Variants in TTN observed in about 807,000 individuals in gnomAD.
The protein encoded by TTN is connectin.
Under a neutral mutation model 3,223.0 loss-of-function variants are expected in TTN, and 1,525 were observed. The observed-to-expected ratio is 0.47, with a 90% CI of 0.45 to 0.49. The LOEUF (loss-of-function observed/expected upper bound fraction) is 0.49. TTN is among the 20% of genes least tolerant of loss of function. The probability of loss-of-function intolerance (pLI) is 0.00; values close to 1 mark genes in which losing one functional copy is unlikely to be tolerated. For synonymous variants in TTN, 14,094 were observed against 15,161.0 expected, an observed-to-expected ratio of 0.93 and a Z score of 5.17; for missense variants, 40,786 against 43,424.0, an observed-to-expected ratio of 0.94 and a Z score of 5.40.
chr2:178,678,829 A>G lies in TTN; in HGVS notation c.33744T>C (p.Val11248=). 6.3e-7 allele frequency: 1 copy of G among 1,586,282 alleles called. No individual in the cohort carries two copies. Among genetic ancestry groups the G allele is most frequent in the Non-Finnish European group, 8.5e-7 (1 of 1,171,212 alleles). Residue 11248 remains valine, a splice_region_variant and synonymous_variant, in exon 143 of 363, where the codon GTT becomes GTC. Transcript: ENST00000589042. ...PKKEKPPPAK[V]PEVPKKPVPE... ...GCACAGGTTTCTTGGGCACTTCAGG[A>G]ACTTCAAAGATATCAAATAGAGTTA...
intron 13 of TTN, among the ~76,000 whole-genome samples, chr2:178,787,900 G>A (rs1425639811): frequency 6.6e-6 from 1 of 151,968 alleles, no homozygotes; most frequent in African/African-American, 2.4e-5. Context: ...TAGAGAAGCA[G>A]GAAGACAAAT....
rs753818213 is a variant in TTN, at chr2:178,620,924, C to T, written c.45686G>A (p.Cys15229Tyr). ...VKEQQEVVFNCEVNTEGAKAK... is the reference protein window; with the variant it reads ...VKEQQEVVFNYEVNTEGAKAK... ...TTTGGCACCTTCAGTATTGACTTCA[C>T]AGTTGAAGACAACTTCCTGTTGTTC... Residue 15229 changes from cysteine to tyrosine, a missense_variant, in exon 247 of 363, where the codon TGT (cysteine) becomes TAT (tyrosine). Physicochemically the swap from Cys to Tyr is radical, Grantham distance 194. Coordinates refer to ENST00000589042, the MANE Select transcript of TTN (RefSeq NM_001267550.2). 2 of 1,612,432 alleles carry T rather than the reference C, an allele frequency of 1.2e-6. No homozygotes were observed. The highest frequency in any genetic ancestry group is 3.3e-5 in the Admixed American group (2 of 59,852).
chr2:178,667,222 C>T lies in TTN; in HGVS notation c.35797+14G>A, dbSNP rs201205432. 5.7e-6 allele frequency: 9 copies of T among 1,581,518 alleles called. No homozygotes were observed. Among genetic ancestry groups the T allele is most frequent in the East Asian group, 2.3e-5 (1 of 43,966 alleles). ...TATTTTCTTCTTTAGATTTTCCTAA[C>T]TAGAGAATTATACCTTCAGTTGGAG... On this transcript the variant is annotated intron_variant, in intron 162 of 362. Coordinates refer to ENST00000589042, the MANE Select transcript of TTN (RefSeq NM_001267550.2).
chr2:178,801,369 C>A (rs1018120137), intron 3 of TTN, among the ~76,000 whole-genome samples: 2 of 152,040 alleles, frequency 1.3e-5, no homozygotes, highest in Non-Finnish European at 2.9e-5. Context: ...TGCTGCCAAC[C>A]CTGTGCATTT....
intron 228 of TTN, 52 bp downstream of exon 228, chr2:178,635,113 T>C (rs1330915944): frequency 1.2e-6 from 2 of 1,600,710 alleles, no homozygotes; most frequent in South Asian, 1.1e-5. Flanking sequence ...ATCCTGAATA[T>C]TGGATGTGGT....
intron 106 of TTN, among the ~76,000 whole-genome samples, chr2:178,703,285 C>T (rs2075316059): frequency 6.6e-6 from 1 of 151,988 alleles, no homozygotes. Flanking sequence ...ACCATAAAGT[C>T]TTAGAAATCA....
At position 178,738,351 on chromosome 2, in the gene TTN, A is replaced by G. The variant is rs763929922; in HGVS notation, c.14102T>C (p.Val4701Ala). The stretch of plus-strand genomic sequence containing the variant: ...CAGGGGTTCGATTTTCCTCTTGATC[A>G]CTGGGGCAGCTGCAAAGGGAAGTAG... ...KLTVVKRAAPVIKRKIEPLEV... is the reference protein window; with the variant it reads ...KLTVVKRAAPAIKRKIEPLEV... The change falls in exon 49 of 363, where the codon GTG becomes GCG. Residue 4701 changes from valine to alanine, a missense_variant. By Grantham distance (64) the Val-to-Ala change is moderately conservative. Transcript: ENST00000589042. 1 of 1,611,720 alleles carries G rather than the reference A, an allele frequency of 6.2e-7. No homozygotes were observed. The highest frequency in any genetic ancestry group is 1.1e-5 in the South Asian group (1 of 90,870).
At chr2:178,648,910 T>G (rs2062458423) in intron 213 of TTN, among the ~76,000 whole-genome samples, 1 of 152,166 alleles carries the variant, frequency 6.6e-6, no homozygotes, top group Non-Finnish European at 1.5e-5. Flanking sequence ...AGATTTAACT[T>G]ATTTGAAGAC....
At chr2:178,594,756 C>T (rs1294691532) in intron 295 of TTN, 110 bp from the exon 296 acceptor site, 1 of 874,822 alleles carries the variant, frequency 1.1e-6, no homozygotes, top group African/African-American at 1.7e-5. Context: ...ATTAAACTCT[C>T]TGCTCCCATA....
chr2:178,599,222 G>C lies in TTN; in HGVS notation c.56571C>G (p.Phe18857Leu), dbSNP rs771676699. ...PKLLEGHEYV[F>L]RIMAQNKYGI... ...CATATTTATTCTGGGCCATGATTCG[G>C]AATACATATTCATGGCCTTCTAGCA... is the stretch of plus-strand genomic sequence containing the variant. The change falls in exon 290 of 363, where the codon TTC (phenylalanine) becomes TTG (leucine). Residue 18857 changes from phenylalanine to leucine, a missense_variant. Transcript: ENST00000589042. 1.3e-6 allele frequency: 2 copies of C among 1,534,000 alleles called. No homozygotes were observed. The highest frequency in any genetic ancestry group is 1.4e-5 in the South Asian group (1 of 74,036).
chr2:178,713,334 CTT>C lies in TTN; in HGVS notation c.26798_26799del (p.Lys8933ArgfsTer15), dbSNP rs2076941998. Reference sequence around the variant, plus strand: ...GAGGAGCCGGATAGACCATTTGTCTCTTTCAATTTTCTTGTGAATGAAGGAGG... The same window carrying C: ...GAGGAGCCGGATAGACCATTTGTCTCTCAATTTTCTTGTGAATGAAGGAGG... ...TVPPSFTRKL[K>X]ETNGLSGSSV... On this transcript the variant is annotated frameshift_variant, in exon 93 of 363. Transcript: ENST00000589042. LOFTEE classifies it high-confidence loss of function. 6.4e-7 allele frequency: 1 copy of C among 1,558,668 alleles called. No homozygotes were observed. The highest frequency in any genetic ancestry group is 8.7e-7 in the Non-Finnish European group (1 of 1,149,842).
chr2:178,678,146 C>G lies in TTN; in HGVS notation c.33973G>C (p.Val11325Leu). 2 of 1,611,178 alleles carry G rather than the reference C, an allele frequency of 1.2e-6. No homozygotes were observed. Among genetic ancestry groups the G allele is most frequent in the Non-Finnish European group, 1.7e-6 (2 of 1,178,916 alleles). The change falls in exon 145 of 363, where the codon GTG becomes CTG. Residue 11325 changes from valine to leucine, a missense_variant. Val to Leu is a conservative substitution (Grantham distance 32). Transcript: ENST00000589042. ...GTACCTTTGGGTGGTGGTGCTTCCACTTTTTTCGGAACAGGTGTTGGTTTC... is the reference window on the plus strand; with the variant it reads ...GTACCTTTGGGTGGTGGTGCTTCCAGTTTTTTCGGAACAGGTGTTGGTTTC... ...EKKPTPVPKK[V>L]EAPPPKVPKK...
chr2:178,583,666 G>T lies in TTN; in HGVS notation c.65516C>A (p.Ala21839Glu). 1.2e-6 allele frequency: 2 copies of T among 1,612,100 alleles called. No homozygotes were observed. Among genetic ancestry groups the T allele is most frequent in the Non-Finnish European group, 1.7e-6 (2 of 1,179,056 alleles). Residue 21839 changes from alanine to glutamate, a missense_variant, in exon 312 of 363, where the codon GCG (alanine) becomes GAG (glutamate). Physicochemically the swap from Ala to Glu is moderately radical, Grantham distance 107 (BLOSUM62 -1). Transcript: ENST00000589042. ...TTCAGAAGGTGGGCTAATGTTTACC[G>T]CGGTCCTGGCAATAGCTCTAAATTG... The part of the protein sequence containing the change: ...QYQFRAIART[A>E]VNISPPSEPS...
chr2:178,571,826 T>C lies in TTN; in HGVS notation c.74306A>G (p.Asn24769Ser), dbSNP rs1032887625. 2.5e-6 allele frequency: 4 copies of C among 1,613,454 alleles called. No homozygotes were observed. The highest frequency in any genetic ancestry group is 3.4e-6 in the Non-Finnish European group (4 of 1,179,620). The change falls in exon 326 of 363, where the codon AAT (asparagine) becomes AGT (serine). Residue 24769 changes from asparagine to serine, a missense_variant. Asn to Ser is a conservative substitution (Grantham distance 46, BLOSUM62 1). Transcript: ENST00000589042. ...TTRVNAESTENNSLLTIKDAC... is the reference protein window; with the variant it reads ...TTRVNAESTESNSLLTIKDAC... ...GTCCTTTATTGTCAGTAGTGAATTA[T>C]TTTCTGTGCTCTCTGCATTTACTCT...
rs1217786152 is a variant in TTN, at chr2:178,730,719, T to G, written c.17814A>C (p.Leu5938Phe). Residue 5938 changes from leucine to phenylalanine, a missense_variant, in exon 61 of 363, where the codon TTA (leucine) becomes TTC (phenylalanine). Coordinates refer to ENST00000589042, the MANE Select transcript of TTN (RefSeq NM_001267550.2). ...MDSIKGSFID[L>F]ECIVAGSHPI... ...GATGTGACCCAGCCACTATACATTC[T>G]AAATCAATGAAAGAACCTTTAATGC... 6.2e-7 allele frequency: 1 copy of G among 1,613,540 alleles called. No individual in the cohort carries two copies. Among genetic ancestry groups the G allele is most frequent in the African/African-American group, 1.3e-5 (1 of 75,038 alleles).
Position 178,620,613 on chromosome 2 carries a change from C to A in TTN, c.45908G>T (p.Arg15303Met), listed in dbSNP as rs771683786. 2.4e-5 allele frequency: 38 copies of A among 1,607,930 alleles called. No individual in the cohort carries two copies. Residue 15303 changes from arginine (R) to methionine (M), a missense_variant, in exon 248 of 363, where the codon AGG becomes ATG. Coordinates refer to ENST00000589042, the MANE Select transcript of TTN (RefSeq NM_001267550.2). ...ANLIVEEEDL[R>M]IVEPLKDIET... ...AATATCTTTAAGAGGCTCAACAATC[C>A]TAAGGTCTTCCTCTGTTGTAAAGGA... is the stretch of plus-strand genomic sequence containing the variant.
chr2:178,715,768 G>A lies in TTN; in HGVS notation c.25646C>T (p.Pro8549Leu). ...CSAQLGVQEP[P>L]RFIKKLEPSR... ...AGGTTCTAGCTTCTTAATGAACCTG[G>A]GTGGTTCTATGGAACCAAGAGGAAA... The change falls in exon 89 of 363, where the codon CCC (proline) becomes CTC (leucine). Residue 8549 changes from proline to leucine, a missense_variant. Coordinates refer to ENST00000589042, the MANE Select transcript of TTN (RefSeq NM_001267550.2). The A allele has an allele frequency of 1.3e-6, 2 of 1,577,350 alleles. No individual in the cohort carries two copies.
Position 178,740,839 on chromosome 2 carries a change from G to T in TTN, c.12394C>A (p.Leu4132Ile). Residue 4132 changes from leucine (L) to isoleucine (I), a missense_variant, in exon 48 of 363, where the codon CTT becomes ATT. Coordinates refer to ENST00000589042, the MANE Select transcript of TTN (RefSeq NM_001267550.2). ...KLTPESTREF[L>I]CINGSIHFQP... ...AAGTGAATACTGCCATTGATGCAAAGAAATTCCCTGGTGCTTTCAGGAGTG... is the reference window on the plus strand; with the variant it reads ...AAGTGAATACTGCCATTGATGCAAATAAATTCCCTGGTGCTTTCAGGAGTG... 1.9e-6 allele frequency: 3 copies of T among 1,613,842 alleles called. No individual in the cohort carries two copies. The highest frequency in any genetic ancestry group is 1.7e-4 in the Middle Eastern group (1 of 6,058).
At position 178,543,821 on chromosome 2, in the gene TTN, G is replaced by A. The variant is rs779865348; in HGVS notation, c.96310+13C>T. ...CTACTCATTGTATAGCCAATTTTAAGTAAAATGCTTACCATAGACTTTAAC... is the reference window on the plus strand; with the variant it reads ...CTACTCATTGTATAGCCAATTTTAAATAAAATGCTTACCATAGACTTTAAC... On this transcript the variant is annotated intron_variant, in intron 346 of 362. Transcript: ENST00000589042. 1.2e-6 allele frequency: 2 copies of A among 1,612,016 alleles called. No individual in the cohort carries two copies. Among genetic ancestry groups the A allele is most frequent in the Non-Finnish European group, 1.7e-6 (2 of 1,178,642 alleles).
Sources: allele counts gnomAD v4.1 joint callset (sites outside exome capture counted in the v4.1 genomes callset), GRCh38; gene constraint gnomAD v4.1.1; transcripts MANE v1.5; gene names NCBI Gene and HGNC (gene_info 2026-07-23, HGNC 2026-07-21).